The following COL23A1 variants were observed in gnomAD, a reference collection of about 807,000 sequenced individuals.
COL23A1 encodes collagen alpha-1(XXIII) chain.
A neutral mutation model predicts 99.3 loss-of-function variants in COL23A1; 97 were observed. The ratio of observed to expected loss-of-function variants is 0.98; its 90% confidence interval spans 0.83 to 1.16. The LOEUF (loss-of-function observed/expected upper bound fraction) is 1.16, where lower values mean the gene tolerates loss of function less well. Ranked by LOEUF, COL23A1 falls within the 50% of genes most tolerant of loss-of-function variation. The pLI, the probability that COL23A1 is intolerant of heterozygous loss-of-function variation, is 0.00. For missense variants in COL23A1, 762 were observed against 757.4 expected (o/e 1.01, Z -0.07); for synonymous variants, 320 against 308.2 (o/e 1.04, Z -0.40).
chr5:178,284,208 T>C (rs1048339446), intron 5 of COL23A1, among the ~76,000 whole-genome samples: 4 of 152,192 alleles, frequency 2.6e-5, no homozygotes, highest in African/African-American at 9.7e-5. Flanking sequence ...ATCCAAAAGC[T>C]CTTAAACACG....
chr5:178,439,179 G>C lies in COL23A1; in HGVS notation c.361+121503C>G, dbSNP rs747553672. 6.6e-6 allele frequency: 1 copy of C among 152,378 alleles called. No individual in the cohort carries two copies. Among genetic ancestry groups the C allele is most frequent in the Non-Finnish European group, 1.5e-5 (1 of 68,086 alleles). The allele number at this position is 152,378 out of a possible 1,614,324, so 9.4% of individuals were successfully genotyped here. ...GGAGCCACTCCCCTTACAGGATGTG[G>C]GAACCTTCTGAAGGGATGTGACTGC... is the stretch of plus-strand genomic sequence containing the variant. On this transcript the variant is annotated intron_variant, in intron 2 of 28. Coordinates refer to ENST00000390654, the MANE Select transcript of COL23A1 (RefSeq NM_173465.4). The surrounding 1 kb of genome is among the most constrained non-coding windows in gnomAD (Gnocchi z 4.2).
chr5:178,548,035 C>A (rs1761798893), intron 2 of COL23A1, among the ~76,000 whole-genome samples: 1 of 73,576 alleles, frequency 1.4e-5, no homozygotes, highest in Non-Finnish European at 2.8e-5. Context: ...ACAAACACAC[C>A]CACCCCCACA....
At chr5:178,465,633 C>A (rs1756375586) in intron 2 of COL23A1, among the ~76,000 whole-genome samples, 2 of 152,322 alleles carry the variant, frequency 1.3e-5, no homozygotes, top group South Asian at 4.1e-4. Context: ...GTGCTTTCTG[C>A]CCCTCTCTAG....
chr5:178,556,317 A>G (rs996764303), intron 2 of COL23A1, among the ~76,000 whole-genome samples: 11 of 152,172 alleles, frequency 7.2e-5, no homozygotes, highest in African/African-American at 2.7e-4. Flanking sequence ...AGGAGGAGTT[A>G]CTACTTTAAA....
intron 1 of COL23A1, among the ~76,000 whole-genome samples, chr5:178,580,941 G>A (rs1036916529): frequency 3.3e-5 from 5 of 152,070 alleles, no homozygotes; most frequent in Non-Finnish European, 7.4e-5. Flanking sequence ...TCCAGGAGCG[G>A]AGGCTGCAGT....
At chr5:178,268,114 C>T (rs1254163949) in intron 7 of COL23A1, among the ~76,000 whole-genome samples, 1 of 152,236 alleles carries the variant, frequency 6.6e-6, no homozygotes, top group Non-Finnish European at 1.5e-5. Flanking sequence ...ATCTGCAGAT[C>T]TCACTTCCCA....
At chr5:178,267,161 C>T (rs912348848) in intron 8 of COL23A1, 146 bp downstream of exon 8, 17 of 871,612 alleles carry the variant, frequency 2.0e-5, no homozygotes, top group African/African-American at 8.3e-5. Context: ...GGGCTTCCAC[C>T]GGTGCTATGG....
At chr5:178,586,079 C>A (rs1333590797) in intron 1 of COL23A1, among the ~76,000 whole-genome samples, 1 of 152,188 alleles carries the variant, frequency 6.6e-6, no homozygotes, top group African/African-American at 2.4e-5. Context: ...GCAGCAGCCA[C>A]CTTGTGACCA....
intron 2 of COL23A1, among the ~76,000 whole-genome samples, chr5:178,487,945 G>T (rs756607189): frequency 6.6e-6 from 1 of 152,234 alleles, no homozygotes; most frequent in Non-Finnish European, 1.5e-5. Flanking sequence ...GTGGCTGGGG[G>T]TTAAGAACAA....
rs556183471 is a variant in COL23A1, at chr5:178,373,375, C to T, written c.362-66456G>A. On this transcript the variant is annotated intron_variant, in intron 2 of 28. Coordinates refer to ENST00000390654, the MANE Select transcript of COL23A1 (RefSeq NM_173465.4). The stretch of plus-strand genomic sequence containing the variant: ...ACTGCCGTTCTCAGTGCAGCCCAGG[C>T]GCGAACCTCCAAGGTGTCCTGCCCC... Among the ~76,000 whole-genome samples the T allele has an allele frequency of 7.0e-4, 107 of 152,208 alleles. 1 individual carries two copies. The highest frequency in any genetic ancestry group is 8.4e-4 in the Non-Finnish European group (57 of 68,006).
chr5:178,498,707 A>G (rs1341647138), intron 2 of COL23A1, among the ~76,000 whole-genome samples: 1 of 152,198 alleles, frequency 6.6e-6, no homozygotes, highest in African/African-American at 2.4e-5. Flanking sequence ...TAGGTAAAAG[A>G]AACAGATTGA....
chr5:178,486,998 T>C (rs1757666922), intron 2 of COL23A1, among the ~76,000 whole-genome samples: 1 of 152,180 alleles, frequency 6.6e-6, no homozygotes, highest in African/African-American at 2.4e-5. Context: ...ACGCTCTCTA[T>C]CCACTGGTAG....
At chr5:178,355,503 G>A (rs879651215) in intron 2 of COL23A1, among the ~76,000 whole-genome samples, 15 of 151,966 alleles carry the variant, frequency 9.9e-5, no homozygotes, top group Non-Finnish European at 1.6e-4. Flanking sequence ...AAGAACTACC[G>A]AAGGCTGAGT....
At chr5:178,522,572 A>T (rs1325063393) in intron 2 of COL23A1, among the ~76,000 whole-genome samples, 1 of 152,094 alleles carries the variant, frequency 6.6e-6, no homozygotes, top group Non-Finnish European at 1.5e-5. Flanking sequence ...GCCGGTGGTC[A>T]GCACATGTAA....
At chr5:178,409,475 G>C (rs1764953544) in intron 2 of COL23A1, among the ~76,000 whole-genome samples, 1 of 146,700 alleles carries the variant, frequency 6.8e-6, no homozygotes, top group Admixed American at 7.0e-5. Flanking sequence ...AGTGACTGTG[G>C]TGGTATTTAC....
At chr5:178,464,098 C>G (rs567077201) in intron 2 of COL23A1, among the ~76,000 whole-genome samples, 1 of 152,212 alleles carries the variant, frequency 6.6e-6, no homozygotes, top group Admixed American at 6.5e-5. Flanking sequence ...TACGTTTAAG[C>G]GTACAGCTCA....
chr5:178,257,069 G>A (rs1329163388), intron 13 of COL23A1, 141 bp from the exon 14 acceptor site: 2 of 730,892 alleles, frequency 2.7e-6, no homozygotes, highest in African/African-American at 3.5e-5. Context: ...GGGGGGTGTG[G>A]GCGGATGGAC....
chr5:178,502,163 G>C (rs991416330), intron 2 of COL23A1, among the ~76,000 whole-genome samples: 1 of 152,208 alleles, frequency 6.6e-6, no homozygotes, highest in East Asian at 1.9e-4. Context: ...ATGGAGTCTC[G>C]CTCTGTCGCC....
At chr5:178,528,453 T>C (rs1760447957) in intron 2 of COL23A1, among the ~76,000 whole-genome samples, 1 of 152,174 alleles carries the variant, frequency 6.6e-6, no homozygotes. Context: ...CACACATCTC[T>C]GGGCTGGTCT....
Sources: allele counts gnomAD v4.1 joint callset (sites outside exome capture counted in the v4.1 genomes callset), GRCh38; gene constraint gnomAD v4.1.1; non-coding constraint Gnocchi (gnomAD v3.1); transcripts MANE v1.5; gene names NCBI Gene and HGNC (gene_info 2026-07-23, HGNC 2026-07-21).